Variants in FGF1 observed in about 807,000 individuals in gnomAD.
FGF1 encodes the protein beta-endothelial cell growth factor.
A neutral mutation model predicts 13.4 loss-of-function variants in FGF1; 9 were observed. The observed-to-expected ratio is 0.67, with a 90% CI of 0.40 to 1.17. The LOEUF (loss-of-function observed/expected upper bound fraction) is 1.17, where lower values mean the gene tolerates loss of function less well. Ranked by LOEUF, FGF1 falls within the 50% of genes most tolerant of loss-of-function variation. FGF1 has a pLI of 0.01. For synonymous variants in FGF1, 93 were observed against 79.0 expected, an observed-to-expected ratio of 1.18 and a Z score of -0.94; for missense variants, 156 against 192.7, an observed-to-expected ratio of 0.81 and a Z score of 1.13.
intron 1 of FGF1, among the ~76,000 whole-genome samples, chr5:142,646,825 T>G (rs1766247335): frequency 6.6e-6 from 1 of 152,218 alleles, no homozygotes; most frequent in Non-Finnish European, 1.5e-5. Flanking sequence ...TGTGAACCTG[T>G]GTGCTAAGAC....
intron 2 of FGF1, among the ~76,000 whole-genome samples, chr5:142,692,537 T>C (rs1186782489): frequency 6.6e-6 from 1 of 152,094 alleles, no homozygotes; most frequent in Non-Finnish European, 1.5e-5. Flanking sequence ...GATTGGGTCT[T>C]GGTATATTGG....
At chr5:142,601,033 C>T (rs572953117) in intron 2 of FGF1, 156 of 607,858 alleles carry the variant, frequency 2.6e-4, no homozygotes, top group African/African-American at 2.2e-3. Context: ...GGAGAGACAA[C>T]GGCCGGCTCA....
At chr5:142,652,736 T>A (rs973729390) in intron 1 of FGF1, among the ~76,000 whole-genome samples, 11 of 152,246 alleles carry the variant, frequency 7.2e-5, no homozygotes, top group African/African-American at 2.7e-4. Flanking sequence ...TGGGTCTGGC[T>A]GGAGGAGTGG....
intron 1 of FGF1, among the ~76,000 whole-genome samples, chr5:142,683,250 ACC>A (rs1774046272): frequency 6.6e-6 from 1 of 151,856 alleles, no homozygotes; most frequent in South Asian, 2.1e-4. Flanking sequence ...ACAATACCTA[ACC>A]CCTGGGAGCT....
intron 1 of FGF1, among the ~76,000 whole-genome samples, chr5:142,652,143 T>A (rs1358020682): frequency 6.6e-6 from 1 of 152,184 alleles, no homozygotes; most frequent in African/African-American, 2.4e-5. Context: ...CAGGAAGGAA[T>A]GGGTCTGGGA....
intron 1 of FGF1, among the ~76,000 whole-genome samples, chr5:142,639,096 T>C (rs1191688209): frequency 5.3e-5 from 8 of 152,048 alleles, no homozygotes; most frequent in Non-Finnish European, 1.2e-4. Flanking sequence ...ACAGCCATTA[T>C]GGAAAACAGT....
At chr5:142,674,131 C>T (rs1597421141) in intron 1 of FGF1, among the ~76,000 whole-genome samples, 1 of 152,276 alleles carries the variant, frequency 6.6e-6, no homozygotes, top group African/African-American at 2.4e-5. Flanking sequence ...AGAGAGGCTC[C>T]CCTCCCCTCC....
intron 1 of FGF1, among the ~76,000 whole-genome samples, chr5:142,683,120 C>T (rs1387206091): frequency 6.6e-6 from 1 of 152,206 alleles, no homozygotes; most frequent in Non-Finnish European, 1.5e-5. Flanking sequence ...TTACCTAAAG[C>T]ATGGTATGCC....
At chr5:142,674,937 C>G (rs1011947655) in intron 1 of FGF1, among the ~76,000 whole-genome samples, 2 of 152,140 alleles carry the variant, frequency 1.3e-5, no homozygotes, top group Non-Finnish European at 2.9e-5. Flanking sequence ...CCTCTGACCT[C>G]CCCTAGGGCC....
intron 2 of FGF1, among the ~76,000 whole-genome samples, chr5:142,693,561 C>G (rs539784357): frequency 1.3e-5 from 2 of 152,278 alleles, no homozygotes; most frequent in Non-Finnish European, 2.9e-5. Flanking sequence ...CTGAAGTTCA[C>G]CCATTTAAAA....
chr5:142,656,311 T>C (rs1768149237), intron 1 of FGF1, among the ~76,000 whole-genome samples: 2 of 152,042 alleles, frequency 1.3e-5, no homozygotes, highest in Non-Finnish European at 2.9e-5. Context: ...TAAGTGTTAC[T>C]ATGTATAAAT....
Position 142,593,936 on chromosome 5 carries a change from T to C in FGF1, c.*1354A>G, listed in dbSNP as rs34000. The C allele has an allele frequency of 0.46, 69,487 of 152,434 alleles. 16,255 individuals carry two copies. Among genetic ancestry groups the C allele is most frequent in the East Asian group, 0.63 (3,246 of 5,168 alleles). 9.4% of individuals were successfully genotyped at this position (152,434 alleles called of 1,614,324 possible). A position where few individuals can be genotyped will look rare whatever the true frequency, so the allele number is the denominator to read the frequency against. On this transcript the variant is annotated 3_prime_UTR_variant, in exon 4 of 4. Transcript: ENST00000337706. ...TTTATACAAGTAATGGTAATACAAATGGTCTCCTGGGAAAAGCTGTTGGTA... is the reference window on the plus strand; with the variant it reads ...TTTATACAAGTAATGGTAATACAAACGGTCTCCTGGGAAAAGCTGTTGGTA...
upstream of FGF1, among the ~76,000 whole-genome samples, chr5:142,689,902 C>T (rs1320221024): frequency 4.7e-5 from 7 of 150,500 alleles, no homozygotes; most frequent in Non-Finnish European, 8.9e-5. Flanking sequence ...AGGGTTTCAC[C>T]GTGTTAGCCA....
In FGF1 at chr5:142,642,345, C is replaced by T. The variant is rs17216981; in HGVS notation, c.-34-28184G>A. ...TACACTCAAGTTCATTTTCCTTGTC[C>T]CCTTGGCCTGGGGGTAATGTCCTGA... On this transcript the variant is annotated intron_variant, in intron 1 of 3. Coordinates refer to ENST00000337706, the MANE Select transcript of FGF1 (RefSeq NM_000800.5). 8.3e-3 allele frequency among the ~76,000 whole-genome samples: 1,258 copies of T among 152,278 alleles called. 12 individuals are homozygous for T. Among genetic ancestry groups the T allele is most frequent in the South Asian group, 0.022 (107 of 4,822 alleles).
intron 1 of FGF1, among the ~76,000 whole-genome samples, chr5:142,665,265 A>T (rs1451272077): frequency 1.3e-5 from 2 of 151,896 alleles, no homozygotes; most frequent in African/African-American, 4.8e-5. Context: ...GCTCTATCTC[A>T]CCTCACACCC....
chr5:142,619,817 C>G (rs774329968), intron 1 of FGF1, among the ~76,000 whole-genome samples: 1 of 148,530 alleles, frequency 6.7e-6, no homozygotes, highest in Non-Finnish European at 1.5e-5. Context: ...TGAGCAACAA[C>G]AGCGAAACTC....
intron 1 of FGF1, among the ~76,000 whole-genome samples, chr5:142,668,085 C>G (rs1770772721): frequency 1.3e-5 from 2 of 152,228 alleles, no homozygotes; most frequent in African/African-American, 4.8e-5. Flanking sequence ...AGAAAAGGGA[C>G]AGGTTCAGTC....
intron 3 of FGF1, among the ~76,000 whole-genome samples, chr5:142,598,585 AT>A (rs1440932495): frequency 6.6e-6 from 1 of 152,204 alleles, no homozygotes; most frequent in Non-Finnish European, 1.5e-5. Context: ...CTATATCAGT[AT>A]TTTGATATAT....
At chr5:142,660,902 G>A (rs952634729) in intron 1 of FGF1, among the ~76,000 whole-genome samples, 1 of 152,158 alleles carries the variant, frequency 6.6e-6, no homozygotes, top group African/African-American at 2.4e-5. Context: ...TCTTTATTCT[G>A]TGTTCCTCCT....
Sources: allele counts gnomAD v4.1 joint callset (sites outside exome capture counted in the v4.1 genomes callset), GRCh38; gene constraint gnomAD v4.1.1; transcripts MANE v1.5; gene names NCBI Gene and HGNC (gene_info 2026-07-23, HGNC 2026-07-21).